The following CDK14 variants were observed in gnomAD, a reference collection of about 807,000 sequenced individuals.
CDK14 encodes the protein cyclin dependent kinase 14, also known as cyclin-dependent kinase 14.
A neutral mutation model predicts 60.7 loss-of-function variants in CDK14; 34 were observed. That is an observed-to-expected ratio of 0.56 (90% CI 0.43 to 0.75). CDK14 has a LOEUF of 0.75. Among genes scored for constraint, CDK14 ranks in the 30% least tolerant of loss-of-function variants. CDK14 has a pLI of 0.00. For missense variants in CDK14, 482 were observed against 564.1 expected (o/e 0.85, Z 1.47); for synonymous variants, 197 against 203.7 (o/e 0.97, Z 0.28).
At chr7:90,818,659 T>A (rs1490958312) in intron 5 of CDK14, among the ~76,000 whole-genome samples, 1 of 152,124 alleles carries the variant, frequency 6.6e-6, no homozygotes, top group East Asian at 1.9e-4. Context: ...AAGCAACGAG[T>A]AATAGTAAAT....
chr7:90,674,633 T>C (rs1313011693), intron 2 of CDK14, among the ~76,000 whole-genome samples: 1 of 152,248 alleles, frequency 6.6e-6, no homozygotes, highest in South Asian at 2.1e-4. Context: ...GATTCCCTTT[T>C]CAGAGGGCTG....
chr7:90,809,213 A>T (rs1788989889), intron 5 of CDK14, among the ~76,000 whole-genome samples: 1 of 152,198 alleles, frequency 6.6e-6, no homozygotes, highest in East Asian at 1.9e-4. Context: ...TTGACCACAT[A>T]GTTGGAAGTA....
Position 91,018,474 on chromosome 7 carries a change from T to C in CDK14, c.1042-27423T>C, listed in dbSNP as rs1035607395. Among the ~76,000 whole-genome samples, 4 of 151,890 alleles carry C rather than the reference T, an allele frequency of 2.6e-5. No individual in the cohort carries two copies. The South Asian group carries it at 6.2e-4, about 24-fold the overall frequency. ...CAAAAAAATTAATAAATAAAAAATA[T>C]CTTCTTGCAGAGTCTACACATGGTA... On this transcript the variant is annotated intron_variant, in intron 10 of 14. Coordinates refer to ENST00000380050, the MANE Select transcript of CDK14 (RefSeq NM_001287135.2).
chr7:90,736,621 T>C (rs747472977), intron 3 of CDK14, among the ~76,000 whole-genome samples: 6 of 152,044 alleles, frequency 3.9e-5, no homozygotes, highest in Admixed American at 1.3e-4. Flanking sequence ...GTCACCATGA[T>C]TTATGTCATA....
intron 11 of CDK14, among the ~76,000 whole-genome samples, chr7:91,062,767 C>G (rs1797847074): frequency 6.6e-6 from 1 of 152,094 alleles, no homozygotes; most frequent in South Asian, 2.1e-4. Context: ...CAAAAACAAA[C>G]CACCCCAAAG....
intron 4 of CDK14, among the ~76,000 whole-genome samples, chr7:90,773,346 A>G (rs1804864209): frequency 6.6e-6 from 1 of 152,164 alleles, no homozygotes. Flanking sequence ...GACTTACAAC[A>G]AATTATTTAG....
At chr7:90,987,899 T>C (rs1795417129) in intron 10 of CDK14, among the ~76,000 whole-genome samples, 1 of 152,160 alleles carries the variant, frequency 6.6e-6, no homozygotes. Context: ...TAATCAACTT[T>C]GTAAAGTCAT....
At chr7:90,939,427 T>A (rs978309409) in intron 8 of CDK14, among the ~76,000 whole-genome samples, 6 of 152,206 alleles carry the variant, frequency 3.9e-5, no homozygotes, top group African/African-American at 1.4e-4. Context: ...CTCTTGGTCC[T>A]AAAAAATACA....
chr7:91,178,062 A>G (rs1163339004), intron 14 of CDK14, among the ~76,000 whole-genome samples: 3 of 68,452 alleles, frequency 4.4e-5, no homozygotes, highest in African/African-American at 1.8e-4. Flanking sequence ...TTCAAACTAT[A>G]CTACAAGGCT....
At chr7:91,137,758 A>T (rs1800330922) in intron 14 of CDK14, among the ~76,000 whole-genome samples, 1 of 151,820 alleles carries the variant, frequency 6.6e-6, no homozygotes, top group Non-Finnish European at 1.5e-5. Flanking sequence ...AAAATTATGA[A>T]GTATGGAACT....
rs1468983936 is a variant in CDK14, at chr7:90,742,281, T to A, written c.370-5400T>A. On this transcript the variant is annotated intron_variant, in intron 3 of 14. Transcript: ENST00000380050. ...TTTATTCTGTTTATTGTGTCTTAGT[T>A]TTTTTGTATTTTGCCTAAGTCAATT... is the stretch of plus-strand genomic sequence containing the variant. Among the ~76,000 whole-genome samples the A allele has an allele frequency of 2.6e-5, 4 of 152,058 alleles. No individual in the cohort carries two copies. The East Asian group carries it at 7.7e-4, about 29-fold the overall frequency.
At chr7:90,765,495 C>T (rs911590248) in intron 4 of CDK14, among the ~76,000 whole-genome samples, 1 of 151,686 alleles carries the variant, frequency 6.6e-6, no homozygotes, top group African/African-American at 2.4e-5. Context: ...AGCAAAGTAC[C>T]AAGGAAGAAA....
rs547120997 is a variant in CDK14 at position 90,769,124 on chromosome 7, A to G, written c.464+21349A>G. On this transcript the variant is annotated intron_variant, in intron 4 of 14. Transcript: ENST00000380050. Reference sequence around the variant, plus strand: ...TGCTACTCTTAAAACACTTCTTTTTATAAGCTAATATATTATACAAGCCAA... The same window carrying G: ...TGCTACTCTTAAAACACTTCTTTTTGTAAGCTAATATATTATACAAGCCAA... 3.9e-5 allele frequency among the ~76,000 whole-genome samples: 6 copies of G among 152,322 alleles called. No individual in the cohort carries two copies. In the South Asian group the frequency reaches 1.2e-3, roughly 32 times the overall value.
At chr7:91,066,300 T>A (rs1171897123) in intron 11 of CDK14, among the ~76,000 whole-genome samples, 2 of 152,226 alleles carry the variant, frequency 1.3e-5, no homozygotes, top group Non-Finnish European at 2.9e-5. Flanking sequence ...GCAAAAGATC[T>A]ACTGAAGTTT....
chr7:90,956,524 T>C (rs1250943642), intron 9 of CDK14, among the ~76,000 whole-genome samples: 1 of 152,190 alleles, frequency 6.6e-6, no homozygotes. Flanking sequence ...ACATATCTTT[T>C]ATTAATAAAA....
chr7:91,081,771 G>T (rs1047439826), intron 12 of CDK14, among the ~76,000 whole-genome samples: 2 of 151,964 alleles, frequency 1.3e-5, no homozygotes, highest in Non-Finnish European at 1.5e-5. Flanking sequence ...TCCTTTGAAA[G>T]ATATTTTTAT....
intron 1 of CDK14, among the ~76,000 whole-genome samples, chr7:90,598,218 CA>C (rs1799236612): frequency 5.9e-5 from 9 of 152,136 alleles, no homozygotes; most frequent in African/African-American, 2.2e-4. Flanking sequence ...TAATTCATTG[CA>C]ATTGAGTCTC....
At chr7:91,076,242 CAAAAAAAAAAAAAA>C (rs564729987) in intron 11 of CDK14, among the ~76,000 whole-genome samples, 48 of 28,804 alleles carry the variant, frequency 1.7e-3, no homozygotes, top group African/African-American at 3.6e-3. Context: ...CTACAGTAAC[CAAAAAAAAAAAAAA>C]AAAAAAAAAA....
At chr7:91,201,006 A>T in intron 14 of CDK14, among the ~76,000 whole-genome samples, 1 of 151,902 alleles carries the variant, frequency 6.6e-6, no homozygotes, top group African/African-American at 2.4e-5. Flanking sequence ...AGTTATCCTA[A>T]TTTTTTCATT....
Sources: allele counts gnomAD v4.1 joint callset (sites outside exome capture counted in the v4.1 genomes callset), GRCh38; gene constraint gnomAD v4.1.1; transcripts MANE v1.5; gene names NCBI Gene and HGNC (gene_info 2026-07-23, HGNC 2026-07-21).